Variants in ALK observed in about 807,000 individuals in gnomAD.
The protein encoded by ALK is ALK receptor tyrosine kinase, also known as ALK tyrosine kinase receptor.
In ALK, 74 loss-of-function variants were observed where a neutral mutation model predicts 163.1. The ratio of observed to expected loss-of-function variants is 0.45; its 90% CI spans 0.38 to 0.55. ALK has a LOEUF of 0.55. Among genes scored for constraint, ALK ranks in the 20% least tolerant of loss-of-function variants. The pLI is 0.00. For synonymous variants in ALK, 960 were observed against 843.2 expected, an observed-to-expected ratio of 1.14 and a Z score of -2.40; for missense variants, 2,063 against 2,105.3, an observed-to-expected ratio of 0.98 and a Z score of 0.39.
chr2:29,482,696 G>C (rs1671690743), intron 4 of ALK, among the ~76,000 whole-genome samples: 1 of 151,718 alleles, frequency 6.6e-6, no homozygotes, highest in Non-Finnish European at 1.5e-5. Flanking sequence ...TTGTATTTTA[G>C]CTGATGACAG....
At chr2:29,634,914 C>T (rs1050032300) in intron 3 of ALK, among the ~76,000 whole-genome samples, 1 of 152,146 alleles carries the variant, frequency 6.6e-6, no homozygotes, top group Non-Finnish European at 1.5e-5. Context: ...AATACTCCTA[C>T]AACTAATAAG....
At chr2:29,347,885 G>A (rs572414603) in intron 5 of ALK, among the ~76,000 whole-genome samples, 41 of 152,236 alleles carry the variant, frequency 2.7e-4, no homozygotes, top group African/African-American at 9.4e-4. Flanking sequence ...TAACACCCCC[G>A]GAGTTTCCGA....
intron 4 of ALK, among the ~76,000 whole-genome samples, chr2:29,398,487 A>G (rs1351507775): frequency 6.6e-6 from 1 of 152,188 alleles, no homozygotes; most frequent in Admixed American, 6.5e-5. Flanking sequence ...AAGTGTCACT[A>G]TAGCCACTGG....
At chr2:29,886,997 T>C (rs543684617) in intron 1 of ALK, among the ~76,000 whole-genome samples, 7 of 152,340 alleles carry the variant, frequency 4.6e-5, no homozygotes, top group African/African-American at 1.7e-4. Context: ...CTCTGTGGAC[T>C]TTTCTCAATG....
At chr2:29,223,831 A>C in intron 19 of ALK, 1 of 472,166 alleles carries the variant, frequency 2.1e-6, no homozygotes, top group Non-Finnish European at 3.8e-6. Context: ...GATTAGACCC[A>C]ATATGGTCTG....
At chr2:29,758,232 A>C (rs928520986) in intron 1 of ALK, among the ~76,000 whole-genome samples, 2 of 151,818 alleles carry the variant, frequency 1.3e-5, no homozygotes, top group Admixed American at 6.6e-5. Context: ...GGCTGGTCTC[A>C]AACTCCTCCT....
At chr2:29,759,974 C>A (rs1318429930) in intron 1 of ALK, among the ~76,000 whole-genome samples, 2 of 152,178 alleles carry the variant, frequency 1.3e-5, no homozygotes, top group Admixed American at 6.5e-5. Context: ...GAAGCCAAAA[C>A]AAAGCAAGTA....
At chr2:29,901,587 A>G (rs1202173680) in intron 1 of ALK, among the ~76,000 whole-genome samples, 1 of 152,214 alleles carries the variant, frequency 6.6e-6, no homozygotes, top group Non-Finnish European at 1.5e-5. Flanking sequence ...TTATTGGCCA[A>G]GCCGCTCATC....
At chr2:29,767,401 A>G (rs2631950) in intron 1 of ALK, among the ~76,000 whole-genome samples, 5,353 of 152,274 alleles carry the variant, frequency 0.035, 140 homozygotes, top group Middle Eastern at 0.054. Context: ...CAGTTTTCCC[A>G]GGACCGTTGT....
intron 1 of ALK, among the ~76,000 whole-genome samples, chr2:29,761,873 A>G (rs775418312): frequency 2.9e-4 from 44 of 152,238 alleles, no homozygotes; most frequent in South Asian, 6.2e-4. Flanking sequence ...AGGCAAGGAG[A>G]ATACAACGTA....
chr2:29,615,201 T>A (rs1675806740), intron 3 of ALK, among the ~76,000 whole-genome samples: 1 of 152,292 alleles, frequency 6.6e-6, no homozygotes, highest in Non-Finnish European at 1.5e-5. Context: ...TCCTCCTTCC[T>A]ACTTGGTTAC....
chr2:29,383,050 A>G (rs1668941927), intron 5 of ALK, among the ~76,000 whole-genome samples: 1 of 152,072 alleles, frequency 6.6e-6, no homozygotes, highest in African/African-American at 2.4e-5. Context: ...TGGGCCTTCA[A>G]AGTTATTCAG....
chr2:29,901,467 C>A (rs1667413448), intron 1 of ALK, among the ~76,000 whole-genome samples: 2 of 152,314 alleles, frequency 1.3e-5, no homozygotes, highest in African/African-American at 4.8e-5. Flanking sequence ...GTTGCACCCG[C>A]TGTTTATGCT....
Position 29,227,231 on chromosome 2 carries a change from T to C in ALK, c.2915-157A>G, listed in dbSNP as rs775307904. 2.7e-4 allele frequency among the ~76,000 whole-genome samples: 41 copies of C among 152,182 alleles called. No homozygotes were observed. Among genetic ancestry groups the C allele is most frequent in the Non-Finnish European group, 4.9e-4 (33 of 68,030 alleles). On this transcript the variant is annotated intron_variant, in intron 17 of 28. Transcript: ENST00000389048. This position sits in a 1 kb window ranked among gnomAD's most constrained non-coding sequence, Gnocchi z 4.4. Reference sequence around the variant, plus strand: ...GCACAACTGTGTAGAAGAGTCTTCCTGTGCATATAGAGAGTGCAGCGGAGG... The same window carrying C: ...GCACAACTGTGTAGAAGAGTCTTCCCGTGCATATAGAGAGTGCAGCGGAGG...
intron 3 of ALK, among the ~76,000 whole-genome samples, chr2:29,565,362 A>T (rs1430753011): frequency 1.3e-5 from 2 of 152,202 alleles, no homozygotes; most frequent in Non-Finnish European, 2.9e-5. Flanking sequence ...GGGCAGGAAG[A>T]TGGATACATA....
intron 25 of ALK, among the ~76,000 whole-genome samples, chr2:29,207,740 A>G (rs1057077855): frequency 1.3e-5 from 2 of 152,248 alleles, no homozygotes; most frequent in African/African-American, 4.8e-5. Context: ...GCAATCAACC[A>G]GTAATCTAGA....
intron 4 of ALK, among the ~76,000 whole-genome samples, chr2:29,492,974 G>A (rs1429206184): frequency 6.6e-6 from 1 of 152,170 alleles, no homozygotes; most frequent in African/African-American, 2.4e-5. Context: ...AACCAATCTC[G>A]TTTTCTCTTC....
At chr2:29,806,201 T>A (rs1214870647) in intron 1 of ALK, among the ~76,000 whole-genome samples, 1 of 152,060 alleles carries the variant, frequency 6.6e-6, no homozygotes, top group Non-Finnish European at 1.5e-5. Context: ...AGGTAAGAGG[T>A]CAGAGAGAGT....
intron 4 of ALK, among the ~76,000 whole-genome samples, chr2:29,474,697 G>A (rs1671459353): frequency 6.6e-6 from 1 of 152,184 alleles, no homozygotes. Flanking sequence ...TCAGGAATAT[G>A]CTGTGTTTCA....
Sources: allele counts gnomAD v4.1 joint callset (sites outside exome capture counted in the v4.1 genomes callset), GRCh38; gene constraint gnomAD v4.1.1; non-coding constraint Gnocchi (gnomAD v3.1); transcripts MANE v1.5; gene names NCBI Gene and HGNC (gene_info 2026-07-23, HGNC 2026-07-21).